RARB: variants seen among roughly 807,000 people sequenced by gnomAD.
The protein encoded by RARB is HBV-activated protein.
Under a neutral mutation model 51.9 loss-of-function variants are expected in RARB, and 17 were observed. The ratio of observed to expected loss-of-function variants is 0.33; its 90% CI spans 0.22 to 0.49. The LOEUF is 0.49. Ranked by LOEUF, RARB falls within the 20% of genes least tolerant of loss-of-function variation. RARB has a pLI of 0.99. For synonymous variants in RARB, 215 were observed against 195.4 expected, an observed-to-expected ratio of 1.10 and a Z score of -0.84; for missense variants, 369 against 550.8, an observed-to-expected ratio of 0.67 and a Z score of 3.30.
chr3:24,976,613 G>T (rs945548603), intron 2 of RARB, among the ~76,000 whole-genome samples: 2 of 150,702 alleles, frequency 1.3e-5, no homozygotes, highest in African/African-American at 4.9e-5. Context: ...TTTTTGAAGG[G>T]TTTTTTTTTC....
At chr3:24,928,671 C>T (rs1022713214) in intron 2 of RARB, among the ~76,000 whole-genome samples, 1 of 152,076 alleles carries the variant, frequency 6.6e-6, no homozygotes, top group African/African-American at 2.4e-5. Flanking sequence ...AGGTCTTTTA[C>T]AGTAGTGAAG....
intron 4 of RARB, among the ~76,000 whole-genome samples, chr3:25,141,374 A>C (rs903111431): frequency 6.6e-6 from 1 of 151,994 alleles, no homozygotes; most frequent in Non-Finnish European, 1.5e-5. Context: ...GCTTAACTCT[A>C]TGTCTTCAGT....
intron 5 of RARB, among the ~76,000 whole-genome samples, chr3:25,311,288 A>G (rs1334865697): frequency 6.6e-6 from 1 of 152,218 alleles, no homozygotes; most frequent in Non-Finnish European, 1.5e-5. Flanking sequence ...AAGTACAAAG[A>G]ATGGGAGTGA....
chr3:25,562,830 C>T (rs923238715), intron 3 of RARB, among the ~76,000 whole-genome samples: 3 of 152,168 alleles, frequency 2.0e-5, no homozygotes, highest in Non-Finnish European at 4.4e-5. Context: ...AAAGACTGTC[C>T]ACACAAGAAG....
At chr3:25,413,101 T>C (rs1232061832) in intron 5 of RARB, among the ~76,000 whole-genome samples, 1 of 152,130 alleles carries the variant, frequency 6.6e-6, no homozygotes, top group Non-Finnish European at 1.5e-5. Context: ...TTTTAAATCC[T>C]GACTAAAACA....
intron 1 of RARB, among the ~76,000 whole-genome samples, chr3:25,450,253 C>T (rs551971160): frequency 2.3e-4 from 35 of 152,240 alleles, no homozygotes; most frequent in South Asian, 1.7e-3. Context: ...ATTATTGATA[C>T]GGACTTAATC....
chr3:25,307,816 T>C (rs1005071292), intron 5 of RARB, among the ~76,000 whole-genome samples: 1 of 152,176 alleles, frequency 6.6e-6, no homozygotes, highest in Admixed American at 6.5e-5. Flanking sequence ...GGTTGCAAAC[T>C]AAGGTCCAAA....
At chr3:25,479,311 A>T (rs1696115699) in intron 2 of RARB, among the ~76,000 whole-genome samples, 2 of 152,242 alleles carry the variant, frequency 1.3e-5, no homozygotes, top group South Asian at 2.1e-4. Flanking sequence ...ATACCATATT[A>T]TGAAATGAAA....
chr3:24,853,843 G>A (rs562630824), intron 1 of RARB, among the ~76,000 whole-genome samples: 23 of 152,324 alleles, frequency 1.5e-4, no homozygotes, highest in African/African-American at 4.3e-4. Context: ...AGAAAATGAT[G>A]TAAGGAGAGG....
intron 5 of RARB, among the ~76,000 whole-genome samples, chr3:25,407,608 G>A (rs898163407): frequency 3.9e-5 from 6 of 152,004 alleles, no homozygotes; most frequent in South Asian, 2.1e-4. Flanking sequence ...AATCTACCTC[G>A]TTTTATATAT....
intron 5 of RARB, among the ~76,000 whole-genome samples, chr3:25,380,391 G>A (rs899528642): frequency 3.3e-5 from 5 of 152,164 alleles, no homozygotes; most frequent in African/African-American, 1.2e-4. Context: ...ACCCCAACTC[G>A]ATCCCAGGGC....
intron 1 of RARB, among the ~76,000 whole-genome samples, chr3:25,430,583 G>A (rs1375487101): frequency 6.6e-6 from 1 of 152,172 alleles, no homozygotes. Context: ...AAGAGTAGGG[G>A]GAAAAGCTTT....
intron 2 of RARB, among the ~76,000 whole-genome samples, chr3:24,998,744 C>A (rs1005109016): frequency 3.9e-5 from 6 of 152,116 alleles, no homozygotes; most frequent in African/African-American, 1.4e-4. Context: ...CTAGTTCTTA[C>A]ATGTCTTCTT....
intron 2 of RARB, among the ~76,000 whole-genome samples, chr3:24,928,447 C>G (rs1695365215): frequency 1.3e-5 from 2 of 152,008 alleles, no homozygotes; most frequent in African/African-American, 2.4e-5. Context: ...CAAATGAACT[C>G]TACCTCCTGA....
chr3:25,366,043 G>A (rs1706108988), intron 5 of RARB, among the ~76,000 whole-genome samples: 1 of 152,168 alleles, frequency 6.6e-6, no homozygotes, highest in Admixed American at 6.5e-5. Context: ...GAGAGTGCAG[G>A]ACACATTTCT....
chr3:25,305,124 C>T (rs528929793), intron 5 of RARB, among the ~76,000 whole-genome samples: 24 of 152,174 alleles, frequency 1.6e-4, no homozygotes, highest in African/African-American at 5.5e-4. Flanking sequence ...TGCCTCTGGA[C>T]GTAGGATACA....
chr3:24,953,954 G>A (rs1695954027), intron 2 of RARB, among the ~76,000 whole-genome samples: 1 of 152,106 alleles, frequency 6.6e-6, no homozygotes, highest in African/African-American at 2.4e-5. Flanking sequence ...AGCTTTGTTT[G>A]TTCTTACTTT....
At chr3:25,016,910 A>G (rs1697521482) in intron 2 of RARB, among the ~76,000 whole-genome samples, 2 of 152,282 alleles carry the variant, frequency 1.3e-5, no homozygotes, top group East Asian at 3.9e-4. Context: ...ATCCTCTAAC[A>G]TCTGGGTTCT....
rs562302427 is a variant in RARB, at chr3:25,072,723, T to A, written c.-328+12547T>A. Among the ~76,000 whole-genome samples the A allele has an allele frequency of 1.1e-4, 17 of 152,068 alleles. No homozygotes were observed. The South Asian group carries it at 3.3e-3, about 30-fold the overall frequency. ...TTCTTTAATTTTTTATTTATTTTTTTTTTGAGATAGAGTCTCGCTCTGTCG... is the reference window on the plus strand; with the variant it reads ...TTCTTTAATTTTTTATTTATTTTTTATTTGAGATAGAGTCTCGCTCTGTCG... On this transcript the variant is annotated intron_variant, in intron 3 of 11. Transcript: ENST00000383772.
Sources: gnomAD v4.1 joint callset for allele counts (sites outside exome capture counted in the v4.1 genomes callset) on GRCh38, gnomAD v4.1.1 for gene constraint, MANE v1.5 for transcripts, NCBI Gene and HGNC (gene_info 2026-07-23, HGNC 2026-07-21) for gene names.